XKR9: variants seen among roughly 807,000 people sequenced by gnomAD.
The protein encoded by XKR9 is XK-related protein 9.
Under a neutral mutation model 32.0 loss-of-function variants are expected in XKR9, and 32 were observed. The ratio of observed to expected loss-of-function variants is 1.00; its 90% CI spans 0.76 to 1.34. XKR9 has a LOEUF of 1.34. Ranked by LOEUF, XKR9 falls within the 40% of genes most tolerant of loss-of-function variation. The pLI is 0.00. For synonymous variants in XKR9, 168 were observed against 143.4 expected, an observed-to-expected ratio of 1.17 and a Z score of -1.22; for missense variants, 546 against 429.7, an observed-to-expected ratio of 1.27 and a Z score of -2.39.
At chr8:71,018,443 A>G in the XKR9 span, among the ~76,000 whole-genome samples, 4 of 152,346 alleles carry the variant, frequency 2.6e-5, no homozygotes, top group East Asian at 7.7e-4. Context: ...AGGAAGAATA[A>G]GTTCTGAAAT....
chr8:71,006,297 C>T, the XKR9 span, among the ~76,000 whole-genome samples: 2 of 151,830 alleles, frequency 1.3e-5, no homozygotes, highest in African/African-American at 4.8e-5. Context: ...AATACAAATT[C>T]ATAAACTTTC....
chr8:70,717,935 T>G (rs1293126293), intron 4 of XKR9, among the ~76,000 whole-genome samples: 1 of 152,146 alleles, frequency 6.6e-6, no homozygotes, highest in Non-Finnish European at 1.5e-5. Context: ...GTCCCACAGA[T>G]CTCTAGGACA....
At chr8:70,772,872 G>A (rs150377175) in intron 2 of XKR9, among the ~76,000 whole-genome samples, 1 of 152,102 alleles carries the variant, frequency 6.6e-6, no homozygotes, top group South Asian at 2.1e-4. Context: ...GGAGTGTTTG[G>A]TATAAAAGTT....
At chr8:70,748,537 C>G (rs551096273) in intron 2 of XKR9, among the ~76,000 whole-genome samples, 1 of 152,342 alleles carries the variant, frequency 6.6e-6, no homozygotes, top group East Asian at 1.9e-4. Flanking sequence ...TGGGTACTGA[C>G]AAGCGTGGGA....
chr8:70,968,091 T>G, the XKR9 span, among the ~76,000 whole-genome samples: 2 of 152,210 alleles, frequency 1.3e-5, no homozygotes, highest in Non-Finnish European at 2.9e-5. Flanking sequence ...GTAAATTTGG[T>G]CTTTTTACAT....
downstream of XKR9, among the ~76,000 whole-genome samples, chr8:70,791,892 TTTATAA>T (rs1220819329): frequency 5.9e-5 from 9 of 152,102 alleles, no homozygotes; most frequent in Admixed American, 2.0e-4. Context: ...ACCCCCTTCA[TTTATAA>T]ACTCTACAAG....
In XKR9 at chr8:70,773,968, G is replaced by T. The variant is rs577512248; in HGVS notation, n.353-15371G>T. 6.0e-5 allele frequency among the ~76,000 whole-genome samples: 9 copies of T among 150,338 alleles called. No homozygotes were observed. The East Asian group carries it at 1.7e-3, about 29-fold the overall frequency. On this transcript the variant is annotated intron_variant and non_coding_transcript_variant, in intron 2 of 3. Coordinates refer to the XKR9 transcript ENST00000520273. ...ACTGGAAACAGTTTCACAGCAATCT[G>T]TTGGCATCATTTTTTAATACTTTTC...
intron 4 of XKR9, among the ~76,000 whole-genome samples, chr8:70,708,562 G>A (rs527305719): frequency 5.9e-5 from 9 of 152,144 alleles, no homozygotes; most frequent in South Asian, 2.1e-4. Flanking sequence ...CAATTATAAC[G>A]TAGAATGTAG....
the XKR9 span, among the ~76,000 whole-genome samples, chr8:70,997,036 G>A: frequency 1.3e-5 from 2 of 152,136 alleles, no homozygotes; most frequent in East Asian, 1.9e-4. Context: ...AGTGGCTCAC[G>A]CCTGTAATCC....
the XKR9 span, among the ~76,000 whole-genome samples, chr8:70,822,797 C>G: frequency 3.9e-5 from 6 of 152,082 alleles, no homozygotes; most frequent in East Asian, 1.2e-3. Context: ...AGACTCTCCC[C>G]CTACTGAGAC....
At chr8:71,051,220 A>G in the XKR9 span, among the ~76,000 whole-genome samples, 3 of 152,176 alleles carry the variant, frequency 2.0e-5, no homozygotes, top group South Asian at 2.1e-4. Context: ...CCCATATACC[A>G]TAGCCCATAA....
chr8:70,773,649 A>C (rs1807482549), intron 2 of XKR9, among the ~76,000 whole-genome samples: 2 of 152,220 alleles, frequency 1.3e-5, no homozygotes, highest in Non-Finnish European at 2.9e-5. Context: ...TACCATTTCT[A>C]ACTTCCATTT....
At chr8:70,877,723 G>C in the XKR9 span, among the ~76,000 whole-genome samples, 1 of 152,170 alleles carries the variant, frequency 6.6e-6, no homozygotes, top group Non-Finnish European at 1.5e-5. Context: ...ATGGAACCAA[G>C]TTGGAAAACA....
chr8:70,998,400 A>T, the XKR9 span, among the ~76,000 whole-genome samples: 2 of 152,168 alleles, frequency 1.3e-5, no homozygotes, highest in Non-Finnish European at 2.9e-5. Flanking sequence ...GAGCATAGGG[A>T]CTATCCTTTT....
chr8:70,953,999 G>A, the XKR9 span, among the ~76,000 whole-genome samples: 202 of 152,224 alleles, frequency 1.3e-3, 1 homozygote, highest in Non-Finnish European at 2.3e-3. Flanking sequence ...AAGAGTCGTA[G>A]CAACTGTTGT....
chr8:70,915,351 G>A, the XKR9 span, among the ~76,000 whole-genome samples: 98 of 152,182 alleles, frequency 6.4e-4, no homozygotes, highest in African/African-American at 2.3e-3. Flanking sequence ...AGGTAAGGAG[G>A]GGGTTTGTTT....
chr8:70,782,500 T>C (rs1050977135), intron 2 of XKR9, among the ~76,000 whole-genome samples: 3 of 151,952 alleles, frequency 2.0e-5, no homozygotes. Context: ...AAAAATTCCT[T>C]CTGAGATTTT....
the XKR9 span, among the ~76,000 whole-genome samples, chr8:70,874,989 G>A: frequency 6.6e-6 from 1 of 152,122 alleles, no homozygotes; most frequent in Non-Finnish European, 1.5e-5. Context: ...TTTAGTGTCA[G>A]TCTTACCCAA....
the XKR9 span, among the ~76,000 whole-genome samples, chr8:71,059,116 T>A: frequency 1.3e-5 from 2 of 152,268 alleles, no homozygotes; most frequent in African/African-American, 4.8e-5. Context: ...TTCAAATACC[T>A]TTTGAAAACC....
Sources: gnomAD v4.1 joint callset for allele counts (sites outside exome capture counted in the v4.1 genomes callset) on GRCh38, gnomAD v4.1.1 for gene constraint, MANE v1.5 for transcripts, NCBI Gene and HGNC (gene_info 2026-07-23, HGNC 2026-07-21) for gene names.